CLSTN1: variants seen among roughly 807,000 people sequenced by gnomAD.
CLSTN1 encodes the protein calsyntenin 1.
CLSTN1 carries 28 observed loss-of-function variants against 108.3 expected under a neutral mutation model. The observed-to-expected ratio is 0.26, with a 90% confidence interval of 0.19 to 0.35. CLSTN1 has a LOEUF of 0.35. Among genes scored for constraint, CLSTN1 ranks in the 10% least tolerant of loss-of-function variants. The pLI is 1.00. For missense variants in CLSTN1, 1,157 were observed against 1,302.6 expected, an observed-to-expected ratio of 0.89 and a Z score of 1.72; for synonymous variants, 524 against 534.9, an observed-to-expected ratio of 0.98 and a Z score of 0.28.
At chr1:9,815,478 G>A (rs187762107) in intron 1 of CLSTN1, among the ~76,000 whole-genome samples, 4 of 152,304 alleles carry the variant, frequency 2.6e-5, no homozygotes, top group East Asian at 1.9e-4. Flanking sequence ...ATGAAATGCC[G>A]GTTTGCACCT....
chr1:9,780,359 C>T (rs1262714164), intron 1 of CLSTN1, among the ~76,000 whole-genome samples: 1 of 151,976 alleles, frequency 6.6e-6, no homozygotes, highest in Non-Finnish European at 1.5e-5. Flanking sequence ...TTTATTTAGC[C>T]CAACGGGGAT....
At chr1:9,756,138 G>C (rs913627130) in intron 3 of CLSTN1, among the ~76,000 whole-genome samples, 1 of 152,182 alleles carries the variant, frequency 6.6e-6, no homozygotes. Flanking sequence ...ATGTCGATGT[G>C]AAACTCCACA....
intron 5 of CLSTN1, among the ~76,000 whole-genome samples, chr1:9,751,022 A>G (rs1346976712): frequency 6.6e-6 from 1 of 151,862 alleles, no homozygotes; most frequent in African/African-American, 2.4e-5. Context: ...CTGAGATCGC[A>G]CCACTGTACT....
At chr1:9,749,715 C>G in intron 6 of CLSTN1, 49 bp downstream of exon 6, 1 of 1,611,410 alleles carries the variant, frequency 6.2e-7, no homozygotes, top group Non-Finnish European at 8.5e-7. Context: ...CTGCCGCATA[C>G]ATCAGTTTTA....
rs1172523511 is a variant in CLSTN1, at chr1:9,734,949, T to C, written c.2109A>G (p.Thr703=). The C allele has an allele frequency of 6.2e-7, 1 of 1,613,970 alleles. No homozygotes were observed. The highest frequency in any genetic ancestry group is 8.5e-7 in the Non-Finnish European group (1 of 1,179,860). ...CCCGCGCCCCACAGAGCACATTACC[T>C]GTGGGGTCCTCAGCCCCGTCCCCTT... ...EPEGDGAEDP[T]VQESLVSEEI... Residue 703 remains threonine (T), a splice_region_variant and synonymous_variant, in exon 14 of 19, where the codon ACA becomes ACG. Coordinates refer to ENST00000377298, the MANE Select transcript of CLSTN1 (RefSeq NM_001009566.3). The surrounding 1 kb of genome is among the most constrained non-coding windows in gnomAD (Gnocchi z 4.8).
chr1:9,806,167 G>GT lies in CLSTN1; in HGVS notation c.91+17475dup, dbSNP rs1301987663. On this transcript the variant is annotated intron_variant, in intron 1 of 18. Coordinates refer to ENST00000377298, the MANE Select transcript of CLSTN1 (RefSeq NM_001009566.3). ...TAGCTGTCCATGGTGGTGGGCACCT[G>GT]TAATCCCAGCTACTCCAGAGGCTGA... Among the ~76,000 whole-genome samples the GT allele has an allele frequency of 7.4e-5, 11 of 149,206 alleles. No individual in the cohort carries two copies. In the East Asian group the frequency reaches 2.0e-3, roughly 28 times the overall value.
chr1:9,795,195 C>T (rs1421657179), intron 1 of CLSTN1, among the ~76,000 whole-genome samples: 7 of 142,750 alleles, frequency 4.9e-5, no homozygotes, highest in Non-Finnish European at 9.1e-5. Context: ...GGTGGAGTTT[C>T]GTTCTTGTCG....
At chr1:9,807,946 T>A (rs1361570131) in intron 1 of CLSTN1, among the ~76,000 whole-genome samples, 1 of 152,196 alleles carries the variant, frequency 6.6e-6, no homozygotes, top group Non-Finnish European at 1.5e-5. Context: ...AGCCCCTTCA[T>A]CCCAGGTGGG....
At chr1:9,743,749 A>G (rs1651098401) in intron 9 of CLSTN1, 135 bp downstream of exon 9, 5 of 860,124 alleles carry the variant, frequency 5.8e-6, no homozygotes, top group South Asian at 3.8e-5. Context: ...TAGGGACAGG[A>G]TCTTAGTAAT....
intron 1 of CLSTN1, among the ~76,000 whole-genome samples, chr1:9,799,866 G>A (rs191158287): frequency 1.3e-3 from 196 of 151,798 alleles, no homozygotes; most frequent in African/African-American, 1.9e-3. Flanking sequence ...ATTTGAACCC[G>A]GGAGGCGGAG....
At chr1:9,804,224 G>C (rs554130864) in intron 1 of CLSTN1, among the ~76,000 whole-genome samples, 2 of 151,954 alleles carry the variant, frequency 1.3e-5, no homozygotes, top group Non-Finnish European at 2.9e-5. Context: ...TTAGCCGGGC[G>C]TGGTGGCGGG....
chr1:9,755,897 G>A (rs966609192), intron 3 of CLSTN1, among the ~76,000 whole-genome samples: 5 of 152,054 alleles, frequency 3.3e-5, no homozygotes, highest in Admixed American at 6.6e-5. Flanking sequence ...TAGAAATACC[G>A]ACTCGTCAGG....
intron 2 of CLSTN1, among the ~76,000 whole-genome samples, chr1:9,761,020 C>G (rs1652047219): frequency 6.6e-6 from 1 of 151,962 alleles, no homozygotes. Context: ...TCAGCTGGCT[C>G]TGTTACGCAA....
chr1:9,796,389 T>C (rs1654002627), intron 1 of CLSTN1, among the ~76,000 whole-genome samples: 1 of 148,620 alleles, frequency 6.7e-6, no homozygotes, highest in South Asian at 2.2e-4. Flanking sequence ...AAAATAAAGA[T>C]GGGTGGGCCA....
At chr1:9,818,075 T>C (rs1043414917) in intron 1 of CLSTN1, among the ~76,000 whole-genome samples, 3 of 151,226 alleles carry the variant, frequency 2.0e-5, no homozygotes, top group Admixed American at 6.6e-5. Flanking sequence ...TGGTGTGACC[T>C]TGGCTCACTG....
chr1:9,736,761 T>G (rs1424485500), intron 11 of CLSTN1, among the ~76,000 whole-genome samples: 1 of 152,114 alleles, frequency 6.6e-6, no homozygotes, highest in East Asian at 1.9e-4. Context: ...AAATCATGAC[T>G]AGGAATTGAG....
At chr1:9,744,034 G>A (rs777408000) in intron 8 of CLSTN1, 29 bp from the exon 9 acceptor site, 5 of 1,604,874 alleles carry the variant, frequency 3.1e-6, no homozygotes, top group Non-Finnish European at 4.3e-6. Flanking sequence ...TGGGTAAATT[G>A]CCAACTAAAG....
At chr1:9,778,181 C>G (rs1653046903) in intron 1 of CLSTN1, among the ~76,000 whole-genome samples, 1 of 151,520 alleles carries the variant, frequency 6.6e-6, no homozygotes, top group Admixed American at 6.6e-5. Flanking sequence ...GTGTCTGGCA[C>G]TCAGTAAGTA....
At chr1:9,781,735 G>A (rs748637234) in intron 1 of CLSTN1, among the ~76,000 whole-genome samples, 1 of 152,078 alleles carries the variant, frequency 6.6e-6, no homozygotes, top group Non-Finnish European at 1.5e-5. Flanking sequence ...GAGTCACCGC[G>A]CCCAGCTTAT....
Sources: allele counts gnomAD v4.1 joint callset (sites outside exome capture counted in the v4.1 genomes callset), GRCh38; gene constraint gnomAD v4.1.1; non-coding constraint Gnocchi (gnomAD v3.1); transcripts MANE v1.5; gene names NCBI Gene and HGNC (gene_info 2026-07-23, HGNC 2026-07-21).